Variants in ESYT2 observed in about 807,000 individuals in gnomAD.
The protein encoded by ESYT2 is extended synaptotagmin-2.
Under a neutral mutation model 107.2 loss-of-function variants are expected in ESYT2, and 54 were observed. The observed-to-expected ratio is 0.50, with a 90% CI of 0.40 to 0.63. The LOEUF is 0.63. Among genes scored for constraint, ESYT2 ranks in the 30% least tolerant of loss-of-function variants. The pLI, the probability that ESYT2 is intolerant of heterozygous loss-of-function variation, is 0.00. For synonymous variants in ESYT2, 491 were observed against 434.1 expected (o/e 1.13, Z -1.63); for missense variants, 1,020 against 1,094.5 (o/e 0.93, Z 0.96).
chr7:158,758,878 ACATTTTTTCTC>A (rs1421353602), intron 13 of ESYT2, among the ~76,000 whole-genome samples: 6 of 152,244 alleles, frequency 3.9e-5, no homozygotes, highest in Admixed American at 2.6e-4. Flanking sequence ...ACAACATTTT[ACATTTTTTCTC>A]TACGAATGAA....
intron 18 of ESYT2, 135 bp from the exon 19 acceptor site, chr7:158,739,256 A>C (rs994396373): frequency 2.9e-6 from 2 of 685,560 alleles, no homozygotes; most frequent in African/African-American, 3.6e-5. Context: ...GAACTTAAAC[A>C]TAATTTGAAA....
At chr7:158,741,155 A>C (rs1230289628) in intron 18 of ESYT2, among the ~76,000 whole-genome samples, 1 of 152,218 alleles carries the variant, frequency 6.6e-6, no homozygotes. Flanking sequence ...CGGGGAGGCC[A>C]GGGCTTCTCC....
At chr7:158,765,438 T>G (rs1029299528) in intron 8 of ESYT2, among the ~76,000 whole-genome samples, 2 of 152,230 alleles carry the variant, frequency 1.3e-5, no homozygotes, top group African/African-American at 4.8e-5. Flanking sequence ...TTCATAGACT[T>G]TAAACATAGT....
At chr7:158,821,072 T>C (rs1315192839) in intron 1 of ESYT2, among the ~76,000 whole-genome samples, 1 of 152,156 alleles carries the variant, frequency 6.6e-6, no homozygotes, top group Admixed American at 6.6e-5. Context: ...AATAAATAGT[T>C]TGCTTTAACA....
At position 158,732,798 on chromosome 7, in the gene ESYT2, A is replaced by G. The variant is rs953167546; in HGVS notation, c.*1409T>C. The G allele has an allele frequency of 2.0e-5, 3 of 152,510 alleles. No individual in the cohort carries two copies. Among genetic ancestry groups the G allele is most frequent in the Non-Finnish European group, 2.9e-5 (2 of 68,042 alleles). 9.4% of individuals were successfully genotyped at this position (152,510 alleles called of 1,614,324 possible). A position where few individuals can be genotyped will look rare whatever the true frequency, so the allele number is the denominator to read the frequency against. On this transcript the variant is annotated 3_prime_UTR_variant, in exon 23 of 23. Coordinates refer to ENST00000275418, the MANE Select transcript of ESYT2 (RefSeq NM_001367773.1). ...ATTACAAAGCTATACTTTCCTTAAT[A>G]TATTTACACATAGTTTTAAGATGTT...
chr7:158,799,134 G>A, intron 1 of ESYT2, 62 bp from the exon 2 acceptor site: 1 of 1,435,324 alleles, frequency 7.0e-7, no homozygotes, highest in Non-Finnish European at 9.8e-7. Context: ...AAAATGTCAA[G>A]CAGGCAATTT....
rs541055886 is a variant in ESYT2 at position 158,761,955 on chromosome 7, A to C, written c.1185-411T>G. Among the ~76,000 whole-genome samples the C allele has an allele frequency of 5.3e-5, 8 of 152,032 alleles. No individual in the cohort carries two copies. The East Asian group carries it at 1.5e-3, about 29-fold the overall frequency. On this transcript the variant is annotated intron_variant, in intron 10 of 22. Coordinates refer to ENST00000275418, the MANE Select transcript of ESYT2 (RefSeq NM_001367773.1). Reference sequence around the variant, plus strand: ...GTCTTATTTTATACGTTCACTCACAACTCCAGTAGGGTTGTGCGTTACTGT... The same window carrying C: ...GTCTTATTTTATACGTTCACTCACACCTCCAGTAGGGTTGTGCGTTACTGT...
At chr7:158,815,084 A>C (rs1840112328) in intron 1 of ESYT2, among the ~76,000 whole-genome samples, 2 of 152,200 alleles carry the variant, frequency 1.3e-5, no homozygotes, top group South Asian at 4.1e-4. Context: ...AATGACTTCC[A>C]TGTAAAGAGT....
rs752458005 is a variant in ESYT2 at position 158,829,239 on chromosome 7, G to A, written c.180C>T (p.Phe60=). 2.0e-4 allele frequency: 303 copies of A among 1,528,688 alleles called. No homozygotes were observed. The highest frequency in any genetic ancestry group is 4.2e-4 in the South Asian group (35 of 83,720). 94.7% of individuals were successfully genotyped at this position (1,528,688 alleles called of 1,614,324 possible). Residue 60 remains phenylalanine, a synonymous_variant, in exon 1 of 23, where the codon TTC becomes TTT. Coordinates refer to ENST00000275418, the MANE Select transcript of ESYT2 (RefSeq NM_001367773.1). ...GCGCGAGCGCGAGGAGAACCCAGCTGAAGCTGAGCCCCAGGTAGCCCAGCG... is the reference window on the plus strand; with the variant it reads ...GCGCGAGCGCGAGGAGAACCCAGCTAAAGCTGAGCCCCAGGTAGCCCAGCG... ...VYALGYLGLS[F]SWVLLALALL...
intron 6 of ESYT2, among the ~76,000 whole-genome samples, chr7:158,787,515 C>T (rs920224480): frequency 6.6e-6 from 1 of 152,178 alleles, no homozygotes; most frequent in African/African-American, 2.4e-5. Flanking sequence ...GGGAGGTTTA[C>T]AGATGAGTCT....
chr7:158,783,306 T>C (rs1191477741), intron 6 of ESYT2, among the ~76,000 whole-genome samples: 1 of 151,978 alleles, frequency 6.6e-6, no homozygotes, highest in African/African-American at 2.4e-5. Flanking sequence ...TTGTGACGGG[T>C]GTGGGTAACG....
intron 6 of ESYT2, among the ~76,000 whole-genome samples, chr7:158,782,928 C>G (rs1838966086): frequency 6.6e-6 from 1 of 152,172 alleles, no homozygotes; most frequent in South Asian, 2.1e-4. Flanking sequence ...AGTCTGAGGT[C>G]CACATGAGGG....
chr7:158,805,058 C>G (rs775772743), intron 1 of ESYT2, among the ~76,000 whole-genome samples: 2 of 152,168 alleles, frequency 1.3e-5, no homozygotes, highest in Admixed American at 1.3e-4. Flanking sequence ...CTGTAAGGCA[C>G]GAGGATCTGA....
At chr7:158,760,390 AC>A (rs1837919124) in intron 11 of ESYT2, among the ~76,000 whole-genome samples, 2 of 152,186 alleles carry the variant, frequency 1.3e-5, no homozygotes, top group Non-Finnish European at 2.9e-5. Context: ...ACACACACCA[AC>A]CCCGTGACCC....
At chr7:158,807,246 G>A (rs951224365) in intron 1 of ESYT2, among the ~76,000 whole-genome samples, 5 of 86,004 alleles carry the variant, frequency 5.8e-5, no homozygotes, top group South Asian at 4.7e-4. Context: ...GCAAGACTCC[G>A]TCTGAAGGAA....
At chr7:158,796,949 GACA>G (rs749420006) in intron 3 of ESYT2, among the ~76,000 whole-genome samples, 129,547 of 149,304 alleles carry the variant, frequency 0.87, 58,718 homozygotes, top group Middle Eastern at 0.93. Context: ...GAGCCTGAGT[GACA>G]GAGACAGGAA....
At chr7:158,790,198 T>C (rs1839242413) in intron 4 of ESYT2, among the ~76,000 whole-genome samples, 2 of 152,240 alleles carry the variant, frequency 1.3e-5, no homozygotes, top group African/African-American at 4.8e-5. Context: ...AGAAAGTCTA[T>C]GCTTCTTTCT....
chr7:158,804,870 T>C (rs1839780054), intron 1 of ESYT2, among the ~76,000 whole-genome samples: 1 of 152,196 alleles, frequency 6.6e-6, no homozygotes, highest in Admixed American at 6.5e-5. Flanking sequence ...CATTCAGTGC[T>C]TTCCAAGAAA....
intron 7 of ESYT2, among the ~76,000 whole-genome samples, chr7:158,772,134 A>AG (rs1014016414): frequency 6.6e-6 from 1 of 152,032 alleles, no homozygotes; most frequent in African/African-American, 2.4e-5. Context: ...AAAAAAAAAA[A>AG]GAAACTTACT....
Sources: allele counts gnomAD v4.1 joint callset (sites outside exome capture counted in the v4.1 genomes callset), GRCh38; gene constraint gnomAD v4.1.1; transcripts MANE v1.5; gene names NCBI Gene and HGNC (gene_info 2026-07-23, HGNC 2026-07-21).